Variants in PRKN observed in about 807,000 individuals in gnomAD.
PRKN encodes the protein parkin RBR E3 ubiquitin protein ligase.
A neutral mutation model predicts 59.5 loss-of-function variants in PRKN; 56 were observed. That is an observed-to-expected ratio of 0.94 (90% CI 0.76 to 1.18). The LOEUF (loss-of-function observed/expected upper bound fraction) is 1.18. PRKN is among the 50% of genes most tolerant of loss of function. The pLI, the probability that PRKN is intolerant of heterozygous loss-of-function variation, is 0.00. For missense variants in PRKN, 657 were observed against 596.4 expected, an observed-to-expected ratio of 1.10 and a Z score of -1.06; for synonymous variants, 250 against 222.1, an observed-to-expected ratio of 1.13 and a Z score of -1.12.
rs144623888 is a variant in PRKN, at chr6:161,396,273, T to C, written c.1084-9396A>G. On this transcript the variant is annotated intron_variant, in intron 9 of 11. Transcript: ENST00000366898. The surrounding 1 kb of genome is among the most constrained non-coding windows in gnomAD (Gnocchi z 5.4). Reference sequence around the variant, plus strand: ...TCCCAAAGGCTAAGGTAGGACCTGGTTGCAAGCTGGAACTCTTGTTCAATG... The same window carrying C: ...TCCCAAAGGCTAAGGTAGGACCTGGCTGCAAGCTGGAACTCTTGTTCAATG... Among the ~76,000 whole-genome samples, 105 of 152,298 alleles carry C rather than the reference T, an allele frequency of 6.9e-4. 3 individuals are homozygous for C. The East Asian group carries it at 0.02, about 29-fold the overall frequency.
chr6:162,179,639 A>C (rs1413291153), intron 4 of PRKN, among the ~76,000 whole-genome samples: 1 of 152,156 alleles, frequency 6.6e-6, no homozygotes, highest in Non-Finnish European at 1.5e-5. Flanking sequence ...GTAGGTAAGA[A>C]TGGCATCAAG....
At chr6:162,580,953 C>G (rs943751834) in intron 1 of PRKN, among the ~76,000 whole-genome samples, 1 of 152,184 alleles carries the variant, frequency 6.6e-6, no homozygotes, top group Non-Finnish European at 1.5e-5. Flanking sequence ...AATGGAATGT[C>G]TAGCATACTT....
intron 1 of PRKN, among the ~76,000 whole-genome samples, chr6:162,502,715 C>T (rs1402315637): frequency 6.6e-6 from 1 of 151,874 alleles, no homozygotes; most frequent in Non-Finnish European, 1.5e-5. Context: ...TCAGGAAAAG[C>T]GTGATCCCAG....
At chr6:161,366,917 T>G (rs1455741955) in intron 10 of PRKN, among the ~76,000 whole-genome samples, 1 of 152,092 alleles carries the variant, frequency 6.6e-6, no homozygotes, top group African/African-American at 2.4e-5. Flanking sequence ...TTTTGTTTTT[T>G]TTCTTGCTCA....
chr6:162,014,762 C>T (rs1329815058), intron 5 of PRKN, among the ~76,000 whole-genome samples: 1 of 152,182 alleles, frequency 6.6e-6, no homozygotes, highest in Middle Eastern at 3.4e-3. Context: ...CACTCAGTCC[C>T]CTTCACTCCT....
At chr6:162,585,076 T>C (rs1003748730) in intron 1 of PRKN, among the ~76,000 whole-genome samples, 1 of 150,948 alleles carries the variant, frequency 6.6e-6, no homozygotes, top group African/African-American at 2.4e-5. Context: ...AATTTTTGTA[T>C]TTTTAGTAGA....
Position 161,466,063 on chromosome 6 carries a change from T to C in PRKN, c.1084-79186A>G, listed in dbSNP as rs941468229. 1.0e-5 allele frequency among the ~76,000 whole-genome samples: 1 copy of C among 97,796 alleles called. No individual in the cohort carries two copies. The highest frequency in any genetic ancestry group is 1.9e-5 in the Non-Finnish European group (1 of 53,158). The allele number at this position is 97,796 out of a possible 152,430, so 64.2% of individuals were successfully genotyped here. A position where few individuals can be genotyped will look rare whatever the true frequency, so the allele number is the denominator to read the frequency against. On this transcript the variant is annotated intron_variant, in intron 9 of 11. Transcript: ENST00000366898. This position sits in a 1 kb window ranked among gnomAD's most constrained non-coding sequence, Gnocchi z 5.0. ...TTCTATCACCACACATAGTTATCTT[T>C]GTGTGTGTGTGTGTGTGTGTCTGTG...
intron 2 of PRKN, among the ~76,000 whole-genome samples, chr6:162,374,603 C>T (rs1407224793): frequency 6.6e-6 from 1 of 151,212 alleles, no homozygotes; most frequent in Non-Finnish European, 1.5e-5. Context: ...CCAAACTTTA[C>T]TGTTGGCTTC....
intron 6 of PRKN, among the ~76,000 whole-genome samples, chr6:161,902,560 A>ATCTATTTTTTT (rs1554245457): frequency 1.6e-4 from 20 of 125,352 alleles, no homozygotes; most frequent in African/African-American, 3.2e-4. Flanking sequence ...TTATTTATTT[A>ATCTATTTTTTT]TTTATTTTTT....
chr6:162,437,352 GT>G (rs1035441655), intron 2 of PRKN, among the ~76,000 whole-genome samples: 1 of 151,930 alleles, frequency 6.6e-6, no homozygotes, highest in East Asian at 1.9e-4. Context: ...GATATCCTAG[GT>G]TTTTTTTAAA....
chr6:161,490,028 C>T (rs889670055), intron 9 of PRKN, among the ~76,000 whole-genome samples: 1 of 152,210 alleles, frequency 6.6e-6, no homozygotes, highest in African/African-American at 2.4e-5. Flanking sequence ...CATCAAGCCC[C>T]ATAAAGAAGG....
Position 161,551,091 on chromosome 6 carries a change from G to A in PRKN, c.934-2088C>T, listed in dbSNP as rs1460751586. 2.6e-5 allele frequency among the ~76,000 whole-genome samples: 4 copies of A among 152,190 alleles called. No homozygotes were observed. The highest frequency in any genetic ancestry group is 5.9e-5 in the Non-Finnish European group (4 of 68,036). ...TAGAATCTCTGAATTTATGGGGTAA[G>A]GTTCTCTGGACAGTGTCATAAGCTG... On this transcript the variant is annotated intron_variant, in intron 8 of 11. Transcript: ENST00000366898. The surrounding 1 kb of genome is among the most constrained non-coding windows in gnomAD (Gnocchi z 5.2).
At chr6:161,941,452 C>T (rs1201486657) in intron 6 of PRKN, among the ~76,000 whole-genome samples, 5 of 152,210 alleles carry the variant, frequency 3.3e-5, no homozygotes, top group Admixed American at 6.5e-5. Context: ...TCTCTTCTGG[C>T]TCCCCCAGCT....
At chr6:162,135,131 T>C (rs892184459) in intron 4 of PRKN, among the ~76,000 whole-genome samples, 1 of 152,062 alleles carries the variant, frequency 6.6e-6, no homozygotes, top group Admixed American at 6.6e-5. Flanking sequence ...AAATATTAGT[T>C]TTGTTGTTGT....
At chr6:161,618,421 A>C (rs1782772039) in intron 7 of PRKN, among the ~76,000 whole-genome samples, 1 of 152,196 alleles carries the variant, frequency 6.6e-6, no homozygotes, top group Non-Finnish European at 1.5e-5. Flanking sequence ...AAGGTAAAAG[A>C]CTATGTCCAA....
In PRKN at chr6:161,393,634, A is replaced by C. The variant is rs1786614109; in HGVS notation, c.1084-6757T>G. Among the ~76,000 whole-genome samples, 1 of 152,108 alleles carries C rather than the reference A, an allele frequency of 6.6e-6. No individual in the cohort carries two copies. On this transcript the variant is annotated intron_variant, in intron 9 of 11. Transcript: ENST00000366898. This position sits in a 1 kb window ranked among gnomAD's most constrained non-coding sequence, Gnocchi z 4.7. ...TCTGTGGAAGCATGAAAAGGAAGCA[A>C]ATGAACAGCTTCTAATGCAATCGGA...
At position 162,010,461 on chromosome 6, in the gene PRKN, TAATA is replaced by T. The variant is rs1277340240; in HGVS notation, c.619-37048_619-37045del. ...ATATTTATGATATATAATGTATTTA[TAATA>T]TATATTATATAATGTATTTATAATA... On this transcript the variant is annotated intron_variant, in intron 5 of 11. Coordinates refer to ENST00000366898, the MANE Select transcript of PRKN (RefSeq NM_004562.3). Among the ~76,000 whole-genome samples the T allele has an allele frequency of 5.1e-4, 39 of 76,912 alleles. 7 individuals are homozygous for T. The highest frequency in any genetic ancestry group is 1.2e-3 in the South Asian group (3 of 2,492). The allele number at this position is 76,912 out of a possible 152,430, so 50.5% of individuals were successfully genotyped here. A position where few individuals can be genotyped will look rare whatever the true frequency, so the allele number is the denominator to read the frequency against.
chr6:161,668,346 G>A (rs896693580), intron 7 of PRKN, among the ~76,000 whole-genome samples: 2 of 149,666 alleles, frequency 1.3e-5, no homozygotes, highest in Admixed American at 6.7e-5. Flanking sequence ...ACTGGGTACA[G>A]ATCTCATTAT....
chr6:161,911,519 C>A (rs573093507), intron 6 of PRKN, among the ~76,000 whole-genome samples: 1 of 152,286 alleles, frequency 6.6e-6, no homozygotes, highest in African/African-American at 2.4e-5. Context: ...CGGAAAGCCA[C>A]CTTGTGTCCA....
Sources: allele counts gnomAD v4.1 joint callset (sites outside exome capture counted in the v4.1 genomes callset), GRCh38; gene constraint gnomAD v4.1.1; non-coding constraint Gnocchi (gnomAD v3.1); transcripts MANE v1.5; gene names NCBI Gene and HGNC (gene_info 2026-07-23, HGNC 2026-07-21).